Variants in PTPRD observed in about 807,000 individuals in gnomAD.
The protein encoded by PTPRD is protein tyrosine phosphatase receptor type D.
In PTPRD, 34 loss-of-function variants were observed where a neutral mutation model predicts 214.5. The ratio of observed to expected loss-of-function variants is 0.16; its 90% CI spans 0.12 to 0.21. PTPRD has a LOEUF of 0.21. Ranked by LOEUF, PTPRD falls within the 10% of genes least tolerant of loss-of-function variation. The probability of loss-of-function intolerance (pLI) is 1.00; values close to 1 mark genes in which losing one functional copy is unlikely to be tolerated. For synonymous variants in PTPRD, 1,128 were observed against 845.7 expected, an observed-to-expected ratio of 1.33 and a Z score of -5.79; for missense variants, 2,545 against 2,398.7, an observed-to-expected ratio of 1.06 and a Z score of -1.27.
chr9:8,931,875 T>G (rs2098955124), intron 11 of PTPRD, among the ~76,000 whole-genome samples: 1 of 152,164 alleles, frequency 6.6e-6, no homozygotes, highest in Admixed American at 6.5e-5. Flanking sequence ...ATTCGACTTC[T>G]TCTTGGTTTA....
chr9:9,072,824 A>G (rs1030666451), intron 10 of PTPRD, among the ~76,000 whole-genome samples: 4 of 152,186 alleles, frequency 2.6e-5, no homozygotes, highest in African/African-American at 9.6e-5. Flanking sequence ...TGCCTTGTGT[A>G]TATTCCTTTT....
intron 36 of PTPRD, among the ~76,000 whole-genome samples, chr9:8,398,696 A>G (rs1008697722): frequency 2.0e-5 from 3 of 152,184 alleles, no homozygotes; most frequent in Non-Finnish European, 4.4e-5. Flanking sequence ...CGTTTTGGCC[A>G]TGTAAGGACA....
intron 5 of PTPRD, among the ~76,000 whole-genome samples, chr9:9,824,690 G>A (rs1305956207): frequency 2.6e-5 from 4 of 151,864 alleles, no homozygotes; most frequent in Admixed American, 2.6e-4. Flanking sequence ...TTATTGTTAG[G>A]AATCAGAAAA....
At chr9:9,963,519 A>G (rs758952060) in intron 4 of PTPRD, among the ~76,000 whole-genome samples, 32 of 152,190 alleles carry the variant, frequency 2.1e-4, no homozygotes, top group Non-Finnish European at 4.4e-4. Flanking sequence ...ACCAGATGGA[A>G]GCATCATCGA....
Position 9,953,104 on chromosome 9 carries a change from G to C in PTPRD, c.-471-14494C>G, listed in dbSNP as rs117618319. 8.4e-3 allele frequency among the ~76,000 whole-genome samples: 1,273 copies of C among 152,218 alleles called. 12 individuals carry two copies. The highest frequency in any genetic ancestry group is 0.012 in the Non-Finnish European group (812 of 68,006). On this transcript the variant is annotated intron_variant, in intron 4 of 45. Transcript: ENST00000381196. ...GGTGACCCACATCATATGTCTATTA[G>C]ATTTATCCATTTTGTTCATACAGAA...
intron 8 of PTPRD, among the ~76,000 whole-genome samples, chr9:9,458,581 G>C (rs186406284): frequency 2.4e-4 from 36 of 151,888 alleles, no homozygotes; most frequent in Admixed American, 2.4e-3. Flanking sequence ...ATCATGAGTT[G>C]TTTGTTGTTG....
chr9:8,557,431 A>AATATATATATATATATATATAT (rs1281715374), intron 14 of PTPRD, among the ~76,000 whole-genome samples: 2 of 111,750 alleles, frequency 1.8e-5, no homozygotes, highest in African/African-American at 7.7e-5. Flanking sequence ...TTCATTTGTA[A>AATATATATATATATATATATAT]ATACATATAT....
intron 30 of PTPRD, among the ~76,000 whole-genome samples, chr9:8,482,436 G>A (rs975507417): frequency 2.6e-5 from 4 of 151,738 alleles, no homozygotes; most frequent in African/African-American, 4.8e-5. Flanking sequence ...TCTCTATGGC[G>A]CTCCCATCTA....
intron 5 of PTPRD, among the ~76,000 whole-genome samples, chr9:9,886,454 A>C (rs955182398): frequency 1.3e-5 from 2 of 152,124 alleles, no homozygotes; most frequent in Non-Finnish European, 2.9e-5. Flanking sequence ...GTTTAAAAGG[A>C]GAGTCCTGAA....
chr9:10,231,103 C>A (rs1340447601), intron 3 of PTPRD, among the ~76,000 whole-genome samples: 1 of 151,958 alleles, frequency 6.6e-6, no homozygotes, highest in Non-Finnish European at 1.5e-5. Flanking sequence ...AAAGCCAAAT[C>A]TGGTAAGTCT....
chr9:8,807,772 C>G (rs2096717473), intron 11 of PTPRD, among the ~76,000 whole-genome samples: 1 of 152,098 alleles, frequency 6.6e-6, no homozygotes, highest in South Asian at 2.1e-4. Context: ...TGGTCTGCTC[C>G]TTTCCTGAAA....
At chr9:9,635,489 C>T (rs776701809) in intron 7 of PTPRD, among the ~76,000 whole-genome samples, 1 of 152,158 alleles carries the variant, frequency 6.6e-6, no homozygotes, top group African/African-American at 2.4e-5. Context: ...TGATTGGTCA[C>T]TCAGTTTCAT....
chr9:9,785,413 T>C (rs1045695101), intron 5 of PTPRD, among the ~76,000 whole-genome samples: 1 of 152,082 alleles, frequency 6.6e-6, no homozygotes, highest in African/African-American at 2.4e-5. Context: ...TATATATCAT[T>C]ATCATGTACC....
At chr9:9,949,187 T>G (rs2093164207) in intron 4 of PTPRD, among the ~76,000 whole-genome samples, 2 of 152,144 alleles carry the variant, frequency 1.3e-5, no homozygotes, top group Admixed American at 1.3e-4. Flanking sequence ...TAAAAAGTGT[T>G]TCATTAATGT....
chr9:8,540,648 G>C (rs1214129241), intron 14 of PTPRD, among the ~76,000 whole-genome samples: 3 of 152,106 alleles, frequency 2.0e-5, no homozygotes, highest in South Asian at 2.1e-4. Context: ...AATAGCTTCA[G>C]AAATCCAAAT....
chr9:8,867,125 A>G (rs1394516573), intron 11 of PTPRD, among the ~76,000 whole-genome samples: 1 of 152,200 alleles, frequency 6.6e-6, no homozygotes, highest in Non-Finnish European at 1.5e-5. Context: ...TAAGACCAAT[A>G]TGAAGAACAA....
intron 5 of PTPRD, among the ~76,000 whole-genome samples, chr9:9,861,118 C>A (rs1419884429): frequency 2.6e-5 from 4 of 152,106 alleles, no homozygotes; most frequent in Admixed American, 6.5e-5. Flanking sequence ...ACACTAGCAT[C>A]TATAATAAAT....
chr9:9,795,531 T>C (rs1040523354), intron 5 of PTPRD, among the ~76,000 whole-genome samples: 5 of 152,162 alleles, frequency 3.3e-5, no homozygotes, highest in African/African-American at 7.2e-5. Context: ...AAGCATAGTA[T>C]TGTGTTATCA....
At chr9:10,304,907 A>G (rs1195517872) in intron 3 of PTPRD, among the ~76,000 whole-genome samples, 2 of 152,174 alleles carry the variant, frequency 1.3e-5, no homozygotes, top group African/African-American at 4.8e-5. Flanking sequence ...GAAAAAAACT[A>G]CTTTAAAGTT....
Sources: allele counts gnomAD v4.1 joint callset (sites outside exome capture counted in the v4.1 genomes callset), GRCh38; gene constraint gnomAD v4.1.1; transcripts MANE v1.5; gene names NCBI Gene and HGNC (gene_info 2026-07-23, HGNC 2026-07-21).